TSPAN7: variants seen among roughly 807,000 people sequenced by gnomAD.
TSPAN7 encodes tetraspanin 7.
A neutral mutation model predicts 17.6 loss-of-function variants in TSPAN7; 1 was observed. The observed-to-expected ratio is 0.06, with a 90% confidence interval of 0.02 to 0.27. The LOEUF (loss-of-function observed/expected upper bound fraction) is 0.27, where lower values mean the gene tolerates loss of function less well. Ranked by LOEUF, TSPAN7 falls within the 10% of genes least tolerant of loss-of-function variation. The probability of loss-of-function intolerance (pLI) is 1.00; values close to 1 mark genes in which losing one functional copy is unlikely to be tolerated. For synonymous variants in TSPAN7, 78 were observed against 79.0 expected (o/e 0.99, Z 0.07); for missense variants, 112 against 201.7 (o/e 0.56, Z 2.69).
intron 1 of TSPAN7, among the ~76,000 whole-genome samples, chrX:38,618,351 C>T (rs371212928): frequency 4.5e-5 from 5 of 112,086 alleles, no homozygotes; most frequent in East Asian, 2.8e-4. Context: ...TTCAGAAAGC[C>T]CCCAGACTGT....
intron 1 of TSPAN7, among the ~76,000 whole-genome samples, chrX:38,665,213 T>C (rs781263320): frequency 8.9e-6 from 1 of 112,173 alleles, no homozygotes; most frequent in African/African-American, 3.2e-5. Flanking sequence ...GGAGATGGTC[T>C]TTCTTGGACA....
intron 1 of TSPAN7, among the ~76,000 whole-genome samples, chrX:38,575,300 C>T (rs1484090749): frequency 8.9e-6 from 1 of 111,761 alleles, no homozygotes; most frequent in Non-Finnish European, 1.9e-5. Flanking sequence ...AGATTTTTGA[C>T]CCACAGAAAC....
chrX:38,645,660 C>T (rs1022966156), intron 1 of TSPAN7, among the ~76,000 whole-genome samples: 1 of 111,536 alleles, frequency 9.0e-6, no homozygotes, highest in African/African-American at 3.3e-5. Flanking sequence ...TGCAAAACAA[C>T]GCTTATTTTT....
At chrX:38,583,783 G>A (rs1364618816) in intron 1 of TSPAN7, among the ~76,000 whole-genome samples, 5 of 110,513 alleles carry the variant, frequency 4.5e-5, no homozygotes, top group African/African-American at 1.6e-4. Context: ...TAACCTGATC[G>A]TTCTAGTTAT....
chrX:38,604,093 A>G (rs1239857625), intron 1 of TSPAN7, among the ~76,000 whole-genome samples: 114 of 90,191 alleles, frequency 1.3e-3, no homozygotes, highest in African/African-American at 4.6e-3. Context: ...TCATTGTTCA[A>G]TTCCCACCTA....
chrX:38,592,395 A>T (rs1174697932), intron 1 of TSPAN7, among the ~76,000 whole-genome samples: 1 of 111,573 alleles, frequency 9.0e-6, no homozygotes, highest in Non-Finnish European at 1.9e-5. Context: ...ACTTAATATA[A>T]TTGTTTATAT....
chrX:38,656,042 G>A (rs1431685655), intron 1 of TSPAN7: 2 of 326,410 alleles, frequency 6.1e-6, no homozygotes, highest in South Asian at 2.7e-5. Flanking sequence ...ATAAAAGGGA[G>A]CTGAATTTGA....
chrX:38,581,045 C>T (rs1160837820), intron 1 of TSPAN7, among the ~76,000 whole-genome samples: 2 of 112,299 alleles, frequency 1.8e-5, no homozygotes, highest in African/African-American at 6.5e-5. Context: ...ATAGTTATTC[C>T]ACATGGCTCC....
chrX:38,674,019 A>G (rs917213626), intron 3 of TSPAN7, among the ~76,000 whole-genome samples: 6 of 111,664 alleles, frequency 5.4e-5, no homozygotes, highest in Admixed American at 2.8e-4. Flanking sequence ...GCTGAGGGGA[A>G]CAATTTTTTA....
At chrX:38,582,950 C>T (rs1298239274) in intron 1 of TSPAN7, among the ~76,000 whole-genome samples, 1 of 111,271 alleles carries the variant, frequency 9.0e-6, no homozygotes, top group African/African-American at 3.3e-5. Flanking sequence ...CTCTTGCATC[C>T]CTTTCCTTCT....
At chrX:38,626,585 G>T (rs141593825) in intron 1 of TSPAN7, among the ~76,000 whole-genome samples, 3,913 of 110,816 alleles carry the variant, frequency 0.035, 178 homozygotes, top group African/African-American at 0.12. Flanking sequence ...CACAAAAGAT[G>T]CAGTACGCTC....
At chrX:38,593,220 A>G (rs983391826) in intron 1 of TSPAN7, among the ~76,000 whole-genome samples, 2 of 110,404 alleles carry the variant, frequency 1.8e-5, no homozygotes, top group Non-Finnish European at 3.8e-5. Context: ...TTAATAATAT[A>G]TCTTGGTATA....
chrX:38,615,408 A>G (rs1235202874), intron 1 of TSPAN7, among the ~76,000 whole-genome samples: 2 of 111,773 alleles, frequency 1.8e-5, no homozygotes, highest in Non-Finnish European at 3.8e-5. Context: ...CTGGGGTTCC[A>G]TTTTCATACA....
intron 5 of TSPAN7, 54 bp downstream of exon 5, chrX:38,675,914 T>C (rs749730498): frequency 4.4e-5 from 50 of 1,143,572 alleles, no homozygotes; most frequent in Middle Eastern, 2.5e-4. Context: ...TTGGGGGGGC[T>C]TTTTTATTTC....
At chrX:38,665,972 ACT>A (rs756826757) in intron 1 of TSPAN7, 147 bp from the exon 2 acceptor site, 20 of 513,742 alleles carry the variant, frequency 3.9e-5, no homozygotes, top group Non-Finnish European at 6.4e-5. Context: ...TTTAGTTAAC[ACT>A]CTCTGACATT....
chrX:38,662,059 A>G (rs186367901), intron 1 of TSPAN7, among the ~76,000 whole-genome samples: 8 of 111,676 alleles, frequency 7.2e-5, no homozygotes, highest in Admixed American at 2.8e-4. Context: ...AATGCCAGTT[A>G]GAGTGTTTTA....
intron 1 of TSPAN7, among the ~76,000 whole-genome samples, chrX:38,664,907 T>C (rs1158674513): frequency 2.7e-5 from 3 of 112,139 alleles, no homozygotes; most frequent in Non-Finnish European, 1.9e-5. Context: ...AATCTGATAA[T>C]GGAGCTTGAT....
chrX:38,686,937 G>A (rs754232055), intron 6 of TSPAN7, among the ~76,000 whole-genome samples: 1 of 111,075 alleles, frequency 9.0e-6, no homozygotes, highest in African/African-American at 3.3e-5. Context: ...GGCCCTGGGT[G>A]TAGATGAGCC....
chrX:38,603,438 C>G, intron 1 of TSPAN7, among the ~76,000 whole-genome samples: 1 of 112,073 alleles, frequency 8.9e-6, no homozygotes, highest in Non-Finnish European at 1.9e-5. Flanking sequence ...AACATATTTC[C>G]TTACAAACAC....
Sources: allele counts gnomAD v4.1 joint callset (sites outside exome capture counted in the v4.1 genomes callset), GRCh38; gene constraint gnomAD v4.1.1; transcripts MANE v1.5; gene names NCBI Gene and HGNC (gene_info 2026-07-23, HGNC 2026-07-21).